ATXN10: variants seen among roughly 807,000 people sequenced by gnomAD.
The protein encoded by ATXN10 is ataxin-10.
ATXN10 carries 28 observed loss-of-function variants against 52.9 expected under a neutral mutation model. The observed-to-expected ratio is 0.53, with a 90% confidence interval of 0.39 to 0.73. ATXN10 has a LOEUF of 0.73. Among genes scored for constraint, ATXN10 ranks in the 30% least tolerant of loss-of-function variants. The pLI, the probability that ATXN10 is intolerant of heterozygous loss-of-function variation, is 0.00. For synonymous variants in ATXN10, 226 were observed against 221.5 expected, an observed-to-expected ratio of 1.02 and a Z score of -0.18; for missense variants, 565 against 577.0, an observed-to-expected ratio of 0.98 and a Z score of 0.21.
At chr22:45,831,942 C>T (rs1465627293) in intron 10 of ATXN10, among the ~76,000 whole-genome samples, 5 of 152,202 alleles carry the variant, frequency 3.3e-5, no homozygotes, top group Non-Finnish European at 7.3e-5. Context: ...GGCAAACACC[C>T]CCTTCCGTCA....
intron 9 of ATXN10, among the ~76,000 whole-genome samples, chr22:45,751,365 G>A (rs1384403551): frequency 6.6e-6 from 1 of 152,100 alleles, no homozygotes; most frequent in Non-Finnish European, 1.5e-5. Context: ...ATTGGATCTG[G>A]AGAATTTTGC....
In ATXN10 at chr22:45,750,911, A is replaced by G. The variant is rs115834220; in HGVS notation, c.1173+10373A>G. 6.0e-3 allele frequency among the ~76,000 whole-genome samples: 907 copies of G among 150,550 alleles called. 12 individuals are homozygous for G. Among genetic ancestry groups the G allele is most frequent in the African/African-American group, 0.021 (870 of 41,252 alleles). On this transcript the variant is annotated intron_variant, in intron 9 of 11. Transcript: ENST00000252934. This position sits in a 1 kb window ranked among gnomAD's most constrained non-coding sequence, Gnocchi z 4.2. ...ACATGCTCCGTTCATTAGTGATTGT[A>G]GTAATTCTTTCTTTCTTCTACTTTC...
At position 45,690,131 on chromosome 22, in the gene ATXN10, C is replaced by G. The variant is rs541643162; in HGVS notation, c.308+228C>G. On this transcript the variant is annotated intron_variant, in intron 2 of 11. Transcript: ENST00000252934. This position sits in a 1 kb window ranked among gnomAD's most constrained non-coding sequence, Gnocchi z 4.5. ...CTACAAAAAAAATACAAAAAATTAG[C>G]TGGACATGGTGGCGCACACCTGTAG... Among the ~76,000 whole-genome samples the G allele has an allele frequency of 7.9e-5, 12 of 152,128 alleles. No individual in the cohort carries two copies. The East Asian group carries it at 2.3e-3, about 29-fold the overall frequency.
In ATXN10 at chr22:45,732,158, T is replaced by C. The variant is rs866368541; in HGVS notation, c.894+2568T>C. Among the ~76,000 whole-genome samples, 5 of 152,144 alleles carry C rather than the reference T, an allele frequency of 3.3e-5. No individual in the cohort carries two copies. The highest frequency in any genetic ancestry group is 2.1e-4 in the South Asian group (1 of 4,826). On this transcript the variant is annotated intron_variant, in intron 7 of 11. Coordinates refer to ENST00000252934, the MANE Select transcript of ATXN10 (RefSeq NM_013236.4). The surrounding 1 kb of genome is among the most constrained non-coding windows in gnomAD (Gnocchi z 4.5). ...GAAGTATTTTTATATATTAATGGAA[T>C]GGAAAGTTGTAGACTGGGAACAGTG...
rs1266714739 is a variant in ATXN10, at chr22:45,775,794, G to A, written c.1174-31165G>A. On this transcript the variant is annotated intron_variant, in intron 9 of 11. Coordinates refer to ENST00000252934, the MANE Select transcript of ATXN10 (RefSeq NM_013236.4). The surrounding 1 kb of genome is among the most constrained non-coding windows in gnomAD (Gnocchi z 4.7). ...CCTGGGTCTCCGATTTATTTAGCAC[G>A]GTAGCACCAATAATAAATATTCTAC... is the stretch of plus-strand genomic sequence containing the variant. 2.6e-5 allele frequency among the ~76,000 whole-genome samples: 4 copies of A among 152,140 alleles called. No individual in the cohort carries two copies. The highest frequency in any genetic ancestry group is 5.9e-5 in the Non-Finnish European group (4 of 68,022).
Position 45,790,354 on chromosome 22 carries a change from C to A in ATXN10, c.1174-16605C>A, listed in dbSNP as rs906039855. Among the ~76,000 whole-genome samples, 2 of 152,066 alleles carry A rather than the reference C, an allele frequency of 1.3e-5. No homozygotes were observed. The highest frequency in any genetic ancestry group is 1.9e-4 in the East Asian group (1 of 5,190). On this transcript the variant is annotated intron_variant, in intron 9 of 11. Coordinates refer to ENST00000252934, the MANE Select transcript of ATXN10 (RefSeq NM_013236.4). This position sits in a 1 kb window ranked among gnomAD's most constrained non-coding sequence, Gnocchi z 4.7. ...CTTAAAATTAAAAAAGTTAACAGGA[C>A]ACGAGATTATCAAAACATTGCCCCC...
In ATXN10 at chr22:45,762,988, G is replaced by C. The variant is rs1209914428; in HGVS notation, c.1173+22450G>C. 2.0e-5 allele frequency among the ~76,000 whole-genome samples: 3 copies of C among 152,238 alleles called. No individual in the cohort carries two copies. Among genetic ancestry groups the C allele is most frequent in the African/African-American group, 7.2e-5 (3 of 41,460 alleles). Reference sequence around the variant, plus strand: ...ATCCGGAATCAGACCATCCTCAGGGGATTGGAATGCACAGAAGCATTTAAG... The same window carrying C: ...ATCCGGAATCAGACCATCCTCAGGGCATTGGAATGCACAGAAGCATTTAAG... On this transcript the variant is annotated intron_variant, in intron 9 of 11. Transcript: ENST00000252934. The surrounding 1 kb of genome is among the most constrained non-coding windows in gnomAD (Gnocchi z 4.3).
rs904120870 is a variant in ATXN10, at chr22:45,712,643, G to A, written c.648-5770G>A. 2.6e-5 allele frequency among the ~76,000 whole-genome samples: 4 copies of A among 152,136 alleles called. No individual in the cohort carries two copies. The highest frequency in any genetic ancestry group is 9.7e-5 in the African/African-American group (4 of 41,414). On this transcript the variant is annotated intron_variant, in intron 5 of 11. Coordinates refer to ENST00000252934, the MANE Select transcript of ATXN10 (RefSeq NM_013236.4). This position sits in a 1 kb window ranked among gnomAD's most constrained non-coding sequence, Gnocchi z 4.6. ...GCTGGGATGTGCGTGTGTGTAATAC[G>A]TTTCCCCCAGTGCCTGGCACATGTA...
chr22:45,808,726 C>T (rs553827171), intron 10 of ATXN10, among the ~76,000 whole-genome samples: 1 of 152,300 alleles, frequency 6.6e-6, no homozygotes, highest in South Asian at 2.1e-4. Context: ...TAGCCACTTC[C>T]CCACACTGCC....
intron 9 of ATXN10, among the ~76,000 whole-genome samples, chr22:45,768,756 G>A (rs1926674560): frequency 6.6e-6 from 1 of 152,190 alleles, no homozygotes; most frequent in Admixed American, 6.5e-5. Context: ...GCAAGCAGAT[G>A]CTCTGTGTTG....
chr22:45,744,885 A>G lies in ATXN10; in HGVS notation c.1173+4347A>G, dbSNP rs1007337676. The stretch of plus-strand genomic sequence containing the variant: ...TATCCCAAATTCTCATGAGTCTTTA[A>G]TGCTTAAGTCTGTACACGTGATAGA... On this transcript the variant is annotated intron_variant, in intron 9 of 11. Coordinates refer to ENST00000252934, the MANE Select transcript of ATXN10 (RefSeq NM_013236.4). The surrounding 1 kb of genome is among the most constrained non-coding windows in gnomAD (Gnocchi z 4.9). The G allele has an allele frequency of 6.6e-6, 1 of 152,194 alleles. No individual in the cohort carries two copies. Among genetic ancestry groups the G allele is most frequent in the Non-Finnish European group, 1.5e-5 (1 of 68,032 alleles). The allele number at this position is 152,194 out of a possible 1,614,324, so 9.4% of individuals were successfully genotyped here.
At chr22:45,788,696 G>A (rs1161707844) in intron 9 of ATXN10, among the ~76,000 whole-genome samples, 1 of 151,978 alleles carries the variant, frequency 6.6e-6, no homozygotes, top group Admixed American at 6.6e-5. Flanking sequence ...TCCCTCTGCT[G>A]CCCAGGCTGC....
chr22:45,798,300 C>T (rs1927815933), intron 9 of ATXN10, among the ~76,000 whole-genome samples: 1 of 152,190 alleles, frequency 6.6e-6, no homozygotes, highest in African/African-American at 2.4e-5. Flanking sequence ...CAAAGTGGAT[C>T]TTGTAATACA....
chr22:45,779,005 C>T (rs1246388567), intron 9 of ATXN10, among the ~76,000 whole-genome samples: 1 of 152,086 alleles, frequency 6.6e-6, no homozygotes, highest in Non-Finnish European at 1.5e-5. Context: ...AATAATTTTG[C>T]TGTGTTCCTC....
In ATXN10 at chr22:45,823,650, T is replaced by C. The variant is rs933831266; in HGVS notation, c.1237+16628T>C. Among the ~76,000 whole-genome samples, 1 of 152,216 alleles carries C rather than the reference T, an allele frequency of 6.6e-6. No homozygotes were observed. The highest frequency in any genetic ancestry group is 1.5e-5 in the Non-Finnish European group (1 of 68,032). On this transcript the variant is annotated intron_variant, in intron 10 of 11. Transcript: ENST00000252934. This position sits in a 1 kb window ranked among gnomAD's most constrained non-coding sequence, Gnocchi z 4.9. ...TATCCGGTAGGGCCAATTTTGAATG[T>C]TAACCAACTTTTCATATATTATCCT...
intron 9 of ATXN10, among the ~76,000 whole-genome samples, chr22:45,779,053 G>A (rs1927056539): frequency 6.6e-6 from 1 of 152,032 alleles, no homozygotes; most frequent in Admixed American, 6.6e-5. Context: ...GTTTTTCCAG[G>A]CTCTTTTCAG....
At chr22:45,680,758 C>A (rs887486499) in intron 1 of ATXN10, among the ~76,000 whole-genome samples, 1 of 152,092 alleles carries the variant, frequency 6.6e-6, no homozygotes, top group African/African-American at 2.4e-5. Context: ...GCCACTGTTC[C>A]TGGAACCCTT....
chr22:45,730,370 A>T (rs1267227858), intron 7 of ATXN10, among the ~76,000 whole-genome samples: 1 of 151,324 alleles, frequency 6.6e-6, no homozygotes, highest in African/African-American at 2.4e-5. Context: ...AAAAGCCAAC[A>T]TAACATTTCA....
chr22:45,837,307 T>TGCAGTGCAGTGGCGCAATCTCG lies in ATXN10; in HGVS notation c.1238-5681_1238-5660dup, dbSNP rs1347548761. 2.0e-5 allele frequency among the ~76,000 whole-genome samples: 3 copies of TGCAGTGCAGTGGCGCAATCTCG among 152,202 alleles called. No individual in the cohort carries two copies. The highest frequency in any genetic ancestry group is 4.4e-5 in the Non-Finnish European group (3 of 68,028). ...CAGAGTCTTGCTCTGTCGCCCAGGC[T>TGCAGTGCAGTGGCGCAATCTCG]GCAGTGCAGTGGCGCAATCTCGGCT... On this transcript the variant is annotated intron_variant, in intron 10 of 11. Coordinates refer to ENST00000252934, the MANE Select transcript of ATXN10 (RefSeq NM_013236.4). The surrounding 1 kb of genome is among the most constrained non-coding windows in gnomAD (Gnocchi z 5.8).
Sources: allele counts gnomAD v4.1 joint callset (sites outside exome capture counted in the v4.1 genomes callset), GRCh38; gene constraint gnomAD v4.1.1; non-coding constraint Gnocchi (gnomAD v3.1); transcripts MANE v1.5; gene names NCBI Gene and HGNC (gene_info 2026-07-23, HGNC 2026-07-21).